Variants in NELL1 observed in about 807,000 individuals in gnomAD.
NELL1 encodes the protein protein kinase C-binding protein NELL1.
A neutral mutation model predicts 107.4 loss-of-function variants in NELL1; 76 were observed. That is an observed-to-expected ratio of 0.71 (90% confidence interval 0.59 to 0.86). The LOEUF is 0.86. Among genes scored for constraint, NELL1 ranks in the 40% least tolerant of loss-of-function variants. NELL1 has a pLI of 0.00. For synonymous variants in NELL1, 353 were observed against 341.2 expected (o/e 1.03, Z -0.38); for missense variants, 1,024 against 1,005.5 (o/e 1.02, Z -0.25).
At chr11:20,967,300 A>C (rs563676053) in intron 12 of NELL1, among the ~76,000 whole-genome samples, 13 of 152,082 alleles carry the variant, frequency 8.5e-5, no homozygotes, top group Non-Finnish European at 1.5e-4. Context: ...TAGTTTGCTT[A>C]ATTATGCTTC....
intron 2 of NELL1, among the ~76,000 whole-genome samples, chr11:20,766,740 AT>A (rs202218877): frequency 0.026 from 3,606 of 139,454 alleles, 42 homozygotes; most frequent in Non-Finnish European, 0.031. Flanking sequence ...CTATTGACAT[AT>A]TTTTTTTTTT....
At chr11:20,986,896 C>T (rs1176652680) in intron 12 of NELL1, among the ~76,000 whole-genome samples, 3 of 152,130 alleles carry the variant, frequency 2.0e-5, no homozygotes, top group Non-Finnish European at 4.4e-5. Flanking sequence ...TCTTCACTTA[C>T]ATAATATGTA....
chr11:20,987,830 CA>C (rs1480388234), intron 12 of NELL1, among the ~76,000 whole-genome samples: 1 of 152,078 alleles, frequency 6.6e-6, no homozygotes, highest in African/African-American at 2.4e-5. Flanking sequence ...AATTAATATA[CA>C]TAAAGGATTG....
At chr11:21,318,407 T>C (rs1849927578) in intron 14 of NELL1, among the ~76,000 whole-genome samples, 1 of 152,186 alleles carries the variant, frequency 6.6e-6, no homozygotes, top group Non-Finnish European at 1.5e-5. Flanking sequence ...AGTTTACCTC[T>C]TCCCAGAAAA....
intron 11 of NELL1, among the ~76,000 whole-genome samples, chr11:20,953,915 A>G (rs1851116715): frequency 6.6e-6 from 1 of 152,198 alleles, no homozygotes; most frequent in Non-Finnish European, 1.5e-5. Flanking sequence ...GAATGCGGAC[A>G]TGTTTATGGT....
Position 21,169,175 on chromosome 11 carries a change from C to T in NELL1, c.1426+55461C>T, listed in dbSNP as rs143568055. 1.6e-3 allele frequency among the ~76,000 whole-genome samples: 244 copies of T among 151,828 alleles called. 2 individuals are homozygous for T. The highest frequency in any genetic ancestry group is 3.9e-3 in the Admixed American group (59 of 15,268). On this transcript the variant is annotated intron_variant, in intron 13 of 19. Coordinates refer to ENST00000357134, the MANE Select transcript of NELL1 (RefSeq NM_006157.5). ...TTTATAGGGATCATGGTGACCAACA[C>T]GGAGGGATGTAAGAGGGAACAACCA... is the stretch of plus-strand genomic sequence containing the variant.
chr11:20,968,227 A>G (rs893936579), intron 12 of NELL1, among the ~76,000 whole-genome samples: 25 of 152,166 alleles, frequency 1.6e-4, no homozygotes, highest in African/African-American at 5.8e-4. Flanking sequence ...TTTTCTGTTT[A>G]AAGTTTTATT....
chr11:21,033,705 C>T lies in NELL1; in HGVS notation c.1300+73145C>T, dbSNP rs139309067. On this transcript the variant is annotated intron_variant, in intron 12 of 19. Transcript: ENST00000357134. ...AAAATAGTGCTGCAATGAGTATACA[C>T]GTGCATGTGTCTTTAATATAGAACA... 1.0e-3 allele frequency among the ~76,000 whole-genome samples: 152 copies of T among 152,080 alleles called. 2 individuals are homozygous for T. Among genetic ancestry groups the T allele is most frequent in the Admixed American group, 3.4e-3 (52 of 15,276 alleles).
At chr11:21,372,279 GAAAA>G (rs879796518) in intron 15 of NELL1, among the ~76,000 whole-genome samples, 1 of 141,940 alleles carries the variant, frequency 7.0e-6, no homozygotes, top group Non-Finnish European at 1.5e-5. Flanking sequence ...TTTTTAAAAT[GAAAA>G]AAAAAACAAA....
chr11:20,767,113 CTGT>C (rs199840413), intron 2 of NELL1, among the ~76,000 whole-genome samples: 2,285 of 152,258 alleles, frequency 0.015, 28 homozygotes, highest in Middle Eastern at 0.027. Context: ...CCTGGTGTGT[CTGT>C]TGTTGGTTCC....
intron 14 of NELL1, among the ~76,000 whole-genome samples, chr11:21,354,952 T>C (rs1415530688): frequency 1.3e-5 from 2 of 152,220 alleles, no homozygotes; most frequent in African/African-American, 2.4e-5. Flanking sequence ...TGGGGCTTTC[T>C]CTTCAACTGC....
chr11:20,688,468 G>C (rs2133862732), intron 2 of NELL1, among the ~76,000 whole-genome samples: 1 of 152,222 alleles, frequency 6.6e-6, no homozygotes, highest in East Asian at 1.9e-4. Context: ...TTATAAGTGA[G>C]AACCTGTAGT....
chr11:20,835,470 G>T (rs1352986262), intron 3 of NELL1, among the ~76,000 whole-genome samples: 1 of 152,160 alleles, frequency 6.6e-6, no homozygotes, highest in African/African-American at 2.4e-5. Flanking sequence ...AGATAAGTGA[G>T]TGATTTTAAT....
intron 14 of NELL1, among the ~76,000 whole-genome samples, chr11:21,325,467 G>T (rs560479279): frequency 3.3e-5 from 5 of 152,010 alleles, no homozygotes; most frequent in African/African-American, 1.2e-4. Flanking sequence ...TTCTTGTTTT[G>T]CCACCCTTTC....
At chr11:21,442,966 T>TG (rs975608902) in intron 15 of NELL1, among the ~76,000 whole-genome samples, 1 of 115,088 alleles carries the variant, frequency 8.7e-6, no homozygotes, top group Non-Finnish European at 1.8e-5. Flanking sequence ...TTTTTTTTTT[T>TG]GCATTCATTC....
intron 12 of NELL1, among the ~76,000 whole-genome samples, chr11:21,058,929 A>T (rs1853672630): frequency 6.6e-6 from 1 of 152,072 alleles, no homozygotes; most frequent in South Asian, 2.1e-4. Context: ...CCAGGATGAG[A>T]TTCATGATTT....
At chr11:20,766,551 C>G (rs1390370368) in intron 2 of NELL1, among the ~76,000 whole-genome samples, 2 of 152,186 alleles carry the variant, frequency 1.3e-5, no homozygotes, top group Non-Finnish European at 2.9e-5. Flanking sequence ...TCTAAACCCT[C>G]TAGTGTGTAA....
At chr11:21,328,188 T>C (rs1222516797) in intron 14 of NELL1, among the ~76,000 whole-genome samples, 2 of 152,048 alleles carry the variant, frequency 1.3e-5, no homozygotes, top group African/African-American at 4.8e-5. Context: ...AAAAAATTGT[T>C]TTATGGGCTG....
rs547658965 is a variant in NELL1 at position 20,944,069 on chromosome 11, A to G, written c.1072-3267A>G. ...CTCAAGATGTAAGCACTAATGCCCT[A>G]TGGAATCTGTTGTATGCAATAAATT... On this transcript the variant is annotated intron_variant, in intron 10 of 19. Coordinates refer to ENST00000357134, the MANE Select transcript of NELL1 (RefSeq NM_006157.5). Among the ~76,000 whole-genome samples, 104 of 152,326 alleles carry G rather than the reference A, an allele frequency of 6.8e-4. 1 individual carries two copies. Among genetic ancestry groups the G allele is most frequent in the Middle Eastern group, 3.4e-3 (1 of 294 alleles).
Sources: allele counts gnomAD v4.1 joint callset (sites outside exome capture counted in the v4.1 genomes callset), GRCh38; gene constraint gnomAD v4.1.1; transcripts MANE v1.5; gene names NCBI Gene and HGNC (gene_info 2026-07-23, HGNC 2026-07-21).